Variants in IQCH observed in about 807,000 individuals in gnomAD.
The protein encoded by IQCH is IQ domain-containing protein H.
IQCH carries 98 observed loss-of-function variants against 117.0 expected under a neutral mutation model. That is an observed-to-expected ratio of 0.84 (90% CI 0.71 to 0.99). The LOEUF (loss-of-function observed/expected upper bound fraction) is 0.99. Ranked by LOEUF, IQCH falls within the 50% of genes least tolerant of loss-of-function variation. IQCH has a pLI of 0.00. For missense variants in IQCH, 1,102 were observed against 1,243.8 expected, an observed-to-expected ratio of 0.89 and a Z score of 1.72; for synonymous variants, 412 against 448.2, an observed-to-expected ratio of 0.92 and a Z score of 1.02.
intron 16 of IQCH, among the ~76,000 whole-genome samples, chr15:67,452,585 G>A (rs539731991): frequency 1.3e-5 from 2 of 152,232 alleles, no homozygotes; most frequent in East Asian, 1.9e-4. Flanking sequence ...AGTTTCTGCC[G>A]AGAGATCAGC....
At chr15:67,486,493 A>C (rs1809581821) in intron 18 of IQCH, among the ~76,000 whole-genome samples, 1 of 152,218 alleles carries the variant, frequency 6.6e-6, no homozygotes, top group African/African-American at 2.4e-5. Flanking sequence ...ACCTCTGTGA[A>C]CTTGTTCTGC....
chr15:67,488,967 C>A (rs1340281547), intron 18 of IQCH, among the ~76,000 whole-genome samples: 1 of 152,090 alleles, frequency 6.6e-6, no homozygotes, highest in African/African-American at 2.4e-5. Context: ...CTGCTATAGA[C>A]AACACAGTTT....
chr15:67,485,424 C>A (rs1052926756), intron 18 of IQCH, among the ~76,000 whole-genome samples: 1 of 152,070 alleles, frequency 6.6e-6, no homozygotes, highest in Non-Finnish European at 1.5e-5. Flanking sequence ...GAGATACATG[C>A]AACATGGAGG....
chr15:67,424,448 A>G lies in IQCH; in HGVS notation c.2505+2871A>G, dbSNP rs991246997. On this transcript the variant is annotated intron_variant, in intron 16 of 20. Transcript: ENST00000335894. This position sits in a 1 kb window ranked among gnomAD's most constrained non-coding sequence, Gnocchi z 4.9. ...CAGTTACAAATTTAAACTTATTTAC[A>G]TGACTATCTGATTAATATTTTTCTC... Among the ~76,000 whole-genome samples, 1 of 152,186 alleles carries G rather than the reference A, an allele frequency of 6.6e-6. No individual in the cohort carries two copies. The highest frequency in any genetic ancestry group is 1.5e-5 in the Non-Finnish European group (1 of 68,028).
rs1319756710 is a variant in IQCH, at chr15:67,393,919, T to C, written c.1633-1372T>C. 6.6e-6 allele frequency among the ~76,000 whole-genome samples: 1 copy of C among 152,186 alleles called. No individual in the cohort carries two copies. Among genetic ancestry groups the C allele is most frequent in the African/African-American group, 2.4e-5 (1 of 41,418 alleles). On this transcript the variant is annotated intron_variant, in intron 12 of 20. Coordinates refer to ENST00000335894, the MANE Select transcript of IQCH (RefSeq NM_001031715.3). This position sits in a 1 kb window ranked among gnomAD's most constrained non-coding sequence, Gnocchi z 5.5. ...TAGGTATTTTACATTTGTGATCTTA[T>C]TTTAAAAGCCTTAGAGCAACCCCAG...
At chr15:67,330,868 A>G (rs982237785) in intron 4 of IQCH, among the ~76,000 whole-genome samples, 2 of 152,184 alleles carry the variant, frequency 1.3e-5, no homozygotes, top group African/African-American at 4.8e-5. Context: ...ATATTTCTCA[A>G]GATCTCAAGA....
At chr15:67,442,865 T>TATATATATATATAAA (rs1567193284) in intron 16 of IQCH, among the ~76,000 whole-genome samples, 83 of 127,906 alleles carry the variant, frequency 6.5e-4, no homozygotes, top group African/African-American at 2.4e-3. Context: ...GATAGATAGA[T>TATATATATATATAAA]ATACATATAT....
chr15:67,302,721 G>A (rs1464109886), intron 4 of IQCH, among the ~76,000 whole-genome samples: 1 of 152,170 alleles, frequency 6.6e-6, no homozygotes, highest in Non-Finnish European at 1.5e-5. Flanking sequence ...GCCGGGTGTG[G>A]TAGTGCACAC....
rs2082900091 is a variant in IQCH at position 67,465,209 on chromosome 15, TG to T, written c.2590del (p.Asp864IlefsTer4). On this transcript the variant is annotated frameshift_variant, in exon 17 of 21. Transcript: ENST00000335894. LOFTEE classifies it high-confidence loss of function. This position sits in a 1 kb window ranked among gnomAD's most constrained non-coding sequence, Gnocchi z 5.9. The part of the protein sequence containing the change: ...QLTLYLTNGH[L>X]DCSLSTLEVP... ...ACCTTATACCTGACAAACGGCCATC[TG>T]GATTGCAGTTTGAGCACCCTGGAAG... The T allele has an allele frequency of 2.1e-5, 34 of 1,614,064 alleles. No homozygotes were observed. The highest frequency in any genetic ancestry group is 2.6e-5 in the Non-Finnish European group (31 of 1,180,046).
In IQCH at chr15:67,400,199, A is replaced by G; in HGVS notation, c.1991A>G (p.Asn664Ser). The G allele has an allele frequency of 1.2e-6, 2 of 1,613,718 alleles. No homozygotes were observed. Among genetic ancestry groups the G allele is most frequent in the African/African-American group, 1.3e-5 (1 of 75,048 alleles). The change falls in exon 14 of 21, where the codon AAT (asparagine) becomes AGT (serine). Residue 664 changes from asparagine to serine, a missense_variant. By Grantham distance (46) the Asn-to-Ser change is conservative. Transcript: ENST00000335894. ...LFKMDSEFRG[N>S]GTAFCDIPSY... ...AAAATGGACTCTGAGTTCCGAGGAA[A>G]TGGGACTGCATTTTGTGATATTCCT... is the stretch of plus-strand genomic sequence containing the variant.
chr15:67,382,706 ACTTAC>A (rs1172866641), intron 10 of IQCH, among the ~76,000 whole-genome samples: 1 of 152,224 alleles, frequency 6.6e-6, no homozygotes, highest in Non-Finnish European at 1.5e-5. Context: ...GAGACAAGAC[ACTTAC>A]CTTGAGTTTC....
chr15:67,365,120 T>A lies in IQCH; in HGVS notation c.753+5235T>A, dbSNP rs1035890090. Among the ~76,000 whole-genome samples the A allele has an allele frequency of 1.3e-5, 2 of 152,092 alleles. No individual in the cohort carries two copies. The highest frequency in any genetic ancestry group is 4.8e-5 in the African/African-American group (2 of 41,410). ...CCACGCCCAGCTAATTTTTCTGGCA[T>A]TTCTTTGTCGAGATGGGGTTTTACC... On this transcript the variant is annotated intron_variant, in intron 8 of 20. Transcript: ENST00000335894. The surrounding 1 kb of genome is among the most constrained non-coding windows in gnomAD (Gnocchi z 4.4).
chr15:67,373,648 A>G (rs1970639190), intron 10 of IQCH: 2 of 641,404 alleles, frequency 3.1e-6, no homozygotes, highest in Non-Finnish European at 5.5e-6. Flanking sequence ...GGGGGCTGCT[A>G]TTCAGTGGAG....
At chr15:67,262,172 T>C (rs1316651550) in intron 2 of IQCH, among the ~76,000 whole-genome samples, 2 of 152,208 alleles carry the variant, frequency 1.3e-5, no homozygotes, top group Non-Finnish European at 2.9e-5. Context: ...TGTAACGTTA[T>C]AATCAAATGG....
At position 67,475,092 on chromosome 15, in the gene IQCH, T is replaced by TA. The variant is rs2083170916; in HGVS notation, c.2677-603dup. 6.6e-6 allele frequency among the ~76,000 whole-genome samples: 1 copy of TA among 152,166 alleles called. No individual in the cohort carries two copies. Among genetic ancestry groups the TA allele is most frequent in the African/African-American group, 2.4e-5 (1 of 41,444 alleles). On this transcript the variant is annotated intron_variant, in intron 17 of 20. Coordinates refer to ENST00000335894, the MANE Select transcript of IQCH (RefSeq NM_001031715.3). This position sits in a 1 kb window ranked among gnomAD's most constrained non-coding sequence, Gnocchi z 5.7. ...AGCCTAAGGAGATATGACAGCTAGT[T>TA]ACGGTGCAGTGTCTCAGATGGGGTC...
At chr15:67,492,804 T>C (rs1022469438) in intron 19 of IQCH, among the ~76,000 whole-genome samples, 2 of 152,016 alleles carry the variant, frequency 1.3e-5, no homozygotes, top group Non-Finnish European at 1.5e-5. Context: ...TACTCGGGCA[T>C]AGAGGAACCA....
At chr15:67,421,599 C>CGG in intron 16 of IQCH, 22 bp downstream of exon 16, 1 of 1,612,384 alleles carries the variant, frequency 6.2e-7, no homozygotes, top group Non-Finnish European at 8.5e-7. Context: ...GGATGCCATA[C>CGG]GAAATGCTAA....
Position 67,433,746 on chromosome 15 carries a change from G to C in IQCH, c.2505+12169G>C, listed in dbSNP as rs1357128554. 6.6e-6 allele frequency among the ~76,000 whole-genome samples: 1 copy of C among 152,062 alleles called. No homozygotes were observed. The highest frequency in any genetic ancestry group is 1.5e-5 in the Non-Finnish European group (1 of 67,998). The stretch of plus-strand genomic sequence containing the variant: ...ATTTCTGCAGGACTCAGGAGGGCAG[G>C]AGGTAGGAAAAAAGGAAAAGGCTCC... On this transcript the variant is annotated intron_variant, in intron 16 of 20. Transcript: ENST00000335894. This position sits in a 1 kb window ranked among gnomAD's most constrained non-coding sequence, Gnocchi z 5.4.
Position 67,393,059 on chromosome 15 carries a change from A to T in IQCH, c.1633-2232A>T, listed in dbSNP as rs1971339848. On this transcript the variant is annotated intron_variant, in intron 12 of 20. Transcript: ENST00000335894. The surrounding 1 kb of genome is among the most constrained non-coding windows in gnomAD (Gnocchi z 5.5). ...TACAACCATTACCACTATCAATTTC[A>T]GAACTTTTTATCATCCCAAGAAGAA... Among the ~76,000 whole-genome samples, 1 of 152,318 alleles carries T rather than the reference A, an allele frequency of 6.6e-6. No homozygotes were observed. Among genetic ancestry groups the T allele is most frequent in the East Asian group, 1.9e-4 (1 of 5,168 alleles).
Sources: gnomAD v4.1 joint callset for allele counts (sites outside exome capture counted in the v4.1 genomes callset) on GRCh38, gnomAD v4.1.1 for gene constraint, Gnocchi (gnomAD v3.1) non-coding constraint, MANE v1.5 for transcripts, NCBI Gene and HGNC (gene_info 2026-07-23, HGNC 2026-07-21) for gene names.